HELZ: variants seen among roughly 807,000 people sequenced by gnomAD.
HELZ encodes the protein helicase with zinc finger.
Under a neutral mutation model 218.2 loss-of-function variants are expected in HELZ, and 23 were observed. The ratio of observed to expected loss-of-function variants is 0.11; its 90% CI spans 0.08 to 0.15. The LOEUF (loss-of-function observed/expected upper bound fraction) is 0.15, where lower values mean the gene tolerates loss of function less well. Among genes scored for constraint, HELZ ranks in the 10% least tolerant of loss-of-function variants. HELZ has a pLI of 1.00. For missense variants in HELZ, 1,813 were observed against 2,353.7 expected, an observed-to-expected ratio of 0.77 and a Z score of 4.75; for synonymous variants, 814 against 829.4, an observed-to-expected ratio of 0.98 and a Z score of 0.32.
chr17:67,112,656 T>G (rs1452148089), intron 28 of HELZ, among the ~76,000 whole-genome samples: 1 of 152,178 alleles, frequency 6.6e-6, no homozygotes, highest in Non-Finnish European at 1.5e-5. Context: ...TAAATAAAAC[T>G]AGGCTGAGGT....
intron 32 of HELZ, among the ~76,000 whole-genome samples, chr17:67,085,805 C>T (rs1486622473): frequency 6.6e-6 from 1 of 152,146 alleles, no homozygotes; most frequent in Non-Finnish European, 1.5e-5. Context: ...TAATTAGTTT[C>T]TTTACATTCA....
intron 12 of HELZ, among the ~76,000 whole-genome samples, chr17:67,180,600 G>T (rs2039579145): frequency 6.6e-6 from 1 of 152,074 alleles, no homozygotes; most frequent in African/African-American, 2.4e-5. Flanking sequence ...AAAAATTGCG[G>T]GGCACAATGG....
At chr17:67,155,988 ATT>A (rs1053626451) in intron 17 of HELZ, among the ~76,000 whole-genome samples, 56 of 134,300 alleles carry the variant, frequency 4.2e-4, no homozygotes, top group African/African-American at 1.6e-3. Context: ...TATATTCATA[ATT>A]TGTTATATAA....
At chr17:67,240,088 A>T (rs2041280954) in intron 2 of HELZ, among the ~76,000 whole-genome samples, 1 of 152,352 alleles carries the variant, frequency 6.6e-6, no homozygotes, top group South Asian at 2.1e-4. Flanking sequence ...AAGATCAACA[A>T]ATCAAAACTT....
At chr17:67,142,796 A>AC (rs1310177713) in intron 21 of HELZ, among the ~76,000 whole-genome samples, 1 of 152,042 alleles carries the variant, frequency 6.6e-6, no homozygotes, top group African/African-American at 2.4e-5. Flanking sequence ...TAGCTCTGTC[A>AC]CCCAGGCTAC....
chr17:67,245,917 C>T (rs1314749273), upstream of HELZ: 1 of 152,210 alleles, frequency 6.6e-6, no homozygotes, highest in African/African-American at 2.4e-5. Flanking sequence ...GCTCCAGGCT[C>T]CGCGGAGCCA....
In HELZ at chr17:67,073,704, G is replaced by T. The variant is rs781537379; in HGVS notation, c.*4548C>A. 1 of 152,032 alleles carries T rather than the reference G, an allele frequency of 6.6e-6. No homozygotes were observed. The highest frequency in any genetic ancestry group is 1.5e-5 in the Non-Finnish European group (1 of 68,010). The allele number at this position is 152,032 out of a possible 1,614,324, so 9.4% of individuals were successfully genotyped here. ...CTCAATTGGTTCAAAAATTTTAAAC[G>T]TTACATTAAAATTGTTTTTAAATCT... On this transcript the variant is annotated 3_prime_UTR_variant, in exon 33 of 33. Transcript: ENST00000358691.
chr17:67,162,479 T>C (rs565279765), intron 15 of HELZ, among the ~76,000 whole-genome samples: 82 of 152,182 alleles, frequency 5.4e-4, no homozygotes, highest in Non-Finnish European at 1.1e-3. Context: ...CCATCTTCTA[T>C]AAATGAAAAA....
intron 3 of HELZ, among the ~76,000 whole-genome samples, chr17:67,233,928 C>A (rs1165297919): frequency 6.6e-6 from 1 of 151,720 alleles, no homozygotes; most frequent in Non-Finnish European, 1.5e-5. Flanking sequence ...CACCTGTAAT[C>A]CCAGCTACTC....
chr17:67,125,324 A>C (rs1304951687), intron 24 of HELZ, among the ~76,000 whole-genome samples: 4 of 47,782 alleles, frequency 8.4e-5, no homozygotes, highest in Admixed American at 8.2e-4. Flanking sequence ...ATATATATAT[A>C]TATATATATA....
At chr17:67,098,900 A>G (rs2036835592) in intron 31 of HELZ, among the ~76,000 whole-genome samples, 1 of 152,220 alleles carries the variant, frequency 6.6e-6, no homozygotes, top group African/African-American at 2.4e-5. Flanking sequence ...AACTGACTGC[A>G]ATGAAATGGA....
At chr17:67,165,561 A>C (rs1415770747) in intron 15 of HELZ, among the ~76,000 whole-genome samples, 1 of 152,214 alleles carries the variant, frequency 6.6e-6, no homozygotes, top group Admixed American at 6.5e-5. Flanking sequence ...CACTGAGATT[A>C]AAAAAGAAAC....
At chr17:67,120,087 T>A (rs567896864) in intron 27 of HELZ, 1 of 351,030 alleles carries the variant, frequency 2.8e-6, no homozygotes, top group East Asian at 8.0e-5. Context: ...CACTGCAAAC[T>A]CCGCCTCCCA....
At chr17:67,149,651 A>G (rs1598324106) in intron 19 of HELZ, among the ~76,000 whole-genome samples, 1 of 152,354 alleles carries the variant, frequency 6.6e-6, no homozygotes, top group Non-Finnish European at 1.5e-5. Flanking sequence ...CATGAAAATT[A>G]TAACAGTGAC....
chr17:67,114,514 T>C, intron 27 of HELZ, 111 bp from the exon 28 acceptor site: 2 of 693,950 alleles, frequency 2.9e-6, no homozygotes. Flanking sequence ...TTTTCACCCA[T>C]TATGATCAGT....
intron 31 of HELZ, among the ~76,000 whole-genome samples, chr17:67,102,823 C>A (rs2036971274): frequency 2.0e-5 from 3 of 152,014 alleles, no homozygotes; most frequent in African/African-American, 4.8e-5. Context: ...TAAAACTGAC[C>A]AAATGTTTTT....
Position 67,199,459 on chromosome 17 carries a change from C to T in HELZ, c.429+1670G>A, listed in dbSNP as rs146749533. The stretch of plus-strand genomic sequence containing the variant: ...AACTCCCGACCTCAGGTGATCTGCC[C>T]GCCTTGGCCTCCCAAAGTGCTGGGA... On this transcript the variant is annotated intron_variant, in intron 7 of 32. Coordinates refer to ENST00000358691, the MANE Select transcript of HELZ (RefSeq NM_014877.4). Among the ~76,000 whole-genome samples the T allele has an allele frequency of 8.1e-3, 1,226 of 152,162 alleles. 8 individuals are homozygous for T. The highest frequency in any genetic ancestry group is 0.011 in the Non-Finnish European group (736 of 67,976).
intron 1 of HELZ, chr17:67,244,095 T>C: frequency 1.7e-6 from 1 of 571,942 alleles, no homozygotes; most frequent in Non-Finnish European, 2.2e-6. Context: ...CAACACAGAC[T>C]GACCTTACTT....
intron 3 of HELZ, among the ~76,000 whole-genome samples, chr17:67,236,003 G>T (rs938429440): frequency 1.3e-5 from 2 of 151,746 alleles, no homozygotes; most frequent in Non-Finnish European, 2.9e-5. Flanking sequence ...CTCCTGATCC[G>T]CCCGCCTTGG....
Sources: gnomAD v4.1 joint callset for allele counts (sites outside exome capture counted in the v4.1 genomes callset) on GRCh38, gnomAD v4.1.1 for gene constraint, MANE v1.5 for transcripts, NCBI Gene and HGNC (gene_info 2026-07-23, HGNC 2026-07-21) for gene names.